Variants in BLNK observed in about 807,000 individuals in gnomAD.
BLNK encodes B-cell linker protein.
Under a neutral mutation model 73.5 loss-of-function variants are expected in BLNK, and 29 were observed. That is an observed-to-expected ratio of 0.39 (90% CI 0.29 to 0.54). BLNK has a LOEUF of 0.54. Ranked by LOEUF, BLNK falls within the 20% of genes least tolerant of loss-of-function variation. BLNK has a pLI of 0.61. For synonymous variants in BLNK, 176 were observed against 200.8 expected, an observed-to-expected ratio of 0.88 and a Z score of 1.04; for missense variants, 460 against 562.8, an observed-to-expected ratio of 0.82 and a Z score of 1.85.
At chr10:96,192,415 T>C (rs2083351606) in intron 16 of BLNK, among the ~76,000 whole-genome samples, 1 of 152,184 alleles carries the variant, frequency 6.6e-6, no homozygotes, top group Admixed American at 6.5e-5. Context: ...ATACAACGCA[T>C]TTTTCTACAT....
chr10:96,215,519 G>T (rs1450531103), intron 7 of BLNK, 130 bp from the exon 8 acceptor site: 1 of 734,146 alleles, frequency 1.4e-6, no homozygotes, highest in Non-Finnish European at 2.2e-6. Flanking sequence ...CAAAGAATGG[G>T]AGACACCCTT....
rs587717156 is a variant in BLNK, at chr10:96,242,914, T to G, written c.114-130A>C. 6 of 812,904 alleles carry G rather than the reference T, an allele frequency of 7.4e-6. No homozygotes were observed. The South Asian group carries it at 8.3e-5, about 11-fold the overall frequency. The allele number at this position is 812,904 out of a possible 1,614,324, so 50.4% of individuals were successfully genotyped here. On this transcript the variant is annotated intron_variant, in intron 2 of 16. Coordinates refer to ENST00000224337, the MANE Select transcript of BLNK (RefSeq NM_013314.4). ...TAATGGCTTCTCTTGGACCAATCAA[T>G]GGACAGATTTGATGTATTGTAAATG...
At chr10:96,211,417 C>A (rs1554898690) in intron 8 of BLNK, among the ~76,000 whole-genome samples, 2 of 152,152 alleles carry the variant, frequency 1.3e-5, no homozygotes. Context: ...AAGATACATG[C>A]ACCCTCCATA....
rs2083651349 is a variant in BLNK, at chr10:96,201,895, A to G, written c.935-837T>C. On this transcript the variant is annotated intron_variant, in intron 13 of 16. Coordinates refer to ENST00000224337, the MANE Select transcript of BLNK (RefSeq NM_013314.4). ...AGATGGGCAATAAAGACATAAGTAA[A>G]AAATATATATATAATGTTAGAGGGT... 2.0e-5 allele frequency among the ~76,000 whole-genome samples: 3 copies of G among 152,268 alleles called. No homozygotes were observed. The South Asian group carries it at 6.2e-4, about 32-fold the overall frequency.
In BLNK at chr10:96,200,044, T is replaced by C. The variant is rs1554895708; in HGVS notation, c.1095+31A>G. 1 of 1,340,564 alleles carries C rather than the reference T, an allele frequency of 7.5e-7. No individual in the cohort carries two copies. The highest frequency in any genetic ancestry group is 2.1e-5 in the South Asian group (1 of 46,846). 83.0% of individuals were successfully genotyped at this position (1,340,564 alleles called of 1,614,324 possible). A position where few individuals can be genotyped will look rare whatever the true frequency, so the allele number is the denominator to read the frequency against. On this transcript the variant is annotated intron_variant, in intron 15 of 16. Coordinates refer to ENST00000224337, the MANE Select transcript of BLNK (RefSeq NM_013314.4). The surrounding 1 kb of genome is among the most constrained non-coding windows in gnomAD (Gnocchi z 4.3). Reference sequence around the variant, plus strand: ...AACAAATAAATAAAATAAAATAAAATAAAAATAATAAATAATAAAAATGAT... The same window carrying C: ...AACAAATAAATAAAATAAAATAAAACAAAAATAATAAATAATAAAAATGAT...
chr10:96,226,380 C>T (rs1331222008), intron 5 of BLNK, among the ~76,000 whole-genome samples: 1 of 152,156 alleles, frequency 6.6e-6, no homozygotes, highest in African/African-American at 2.4e-5. Flanking sequence ...AAGCAAGGAG[C>T]AGTGCCTGGT....
intron 3 of BLNK, 44 bp from the exon 4 acceptor site, chr10:96,230,878 A>G (rs781927852): frequency 6.3e-7 from 1 of 1,598,102 alleles, no homozygotes; most frequent in Admixed American, 1.7e-5. Context: ...TGTGAGCCTC[A>G]GCTGGCCAGC....
intron 4 of BLNK, among the ~76,000 whole-genome samples, chr10:96,227,946 G>A (rs12255766): frequency 0.014 from 2,035 of 147,748 alleles, 43 homozygotes; most frequent in African/African-American, 0.049. Context: ...GATCACTGAA[G>A]AGAAAATAGG....
intron 1 of BLNK, among the ~76,000 whole-genome samples, chr10:96,256,899 A>AG (rs66538634): frequency 1.5e-4 from 22 of 149,390 alleles, no homozygotes; most frequent in Non-Finnish European, 2.8e-4. Context: ...AAAAAAAAAA[A>AG]GCAGCAGAAG....
At chr10:96,244,881 G>GT (rs1451722889) in intron 2 of BLNK, among the ~76,000 whole-genome samples, 3 of 152,020 alleles carry the variant, frequency 2.0e-5, no homozygotes, top group African/African-American at 7.2e-5. Flanking sequence ...GAGAACTGGT[G>GT]TATTGTAAAA....
chr10:96,195,710 A>G (rs2083448419), intron 16 of BLNK, among the ~76,000 whole-genome samples: 1 of 152,232 alleles, frequency 6.6e-6, no homozygotes, highest in South Asian at 2.1e-4. Flanking sequence ...TAAGATGAAC[A>G]AGTTCTGGAG....
intron 1 of BLNK, among the ~76,000 whole-genome samples, chr10:96,264,983 G>A (rs1172692664): frequency 6.6e-6 from 1 of 151,796 alleles, no homozygotes; most frequent in Non-Finnish European, 1.5e-5. Flanking sequence ...TTATTTTTGA[G>A]ACATGGTCTC....
chr10:96,235,879 C>T (rs903774881), intron 3 of BLNK, among the ~76,000 whole-genome samples: 29 of 151,986 alleles, frequency 1.9e-4, no homozygotes, highest in Admixed American at 3.3e-4. Flanking sequence ...TTCTGCTGAG[C>T]GCTCACACAA....
chr10:96,191,383 A>C lies in BLNK; in HGVS notation c.*590T>G, dbSNP rs1367125052. Among the ~76,000 whole-genome samples the C allele has an allele frequency of 6.6e-6, 1 of 152,060 alleles. No homozygotes were observed. The highest frequency in any genetic ancestry group is 1.5e-5 in the Non-Finnish European group (1 of 67,994). ...AAAGAGGGTATAATTATCTTTAGTA[A>C]GCAAAACTAACAGCATAATCCTAGA... On this transcript the variant is annotated 3_prime_UTR_variant, in exon 17 of 17. Transcript: ENST00000224337.
intron 5 of BLNK, among the ~76,000 whole-genome samples, chr10:96,226,727 G>C (rs782264798): frequency 2.0e-5 from 3 of 152,082 alleles, no homozygotes; most frequent in Non-Finnish European, 4.4e-5. Context: ...TGTGGACCCA[G>C]CTACTCGGGA....
chr10:96,234,986 C>T (rs1203501854), intron 3 of BLNK, among the ~76,000 whole-genome samples: 8 of 152,346 alleles, frequency 5.3e-5, no homozygotes, highest in Admixed American at 3.3e-4. Context: ...GGCTTATGCT[C>T]CATTTACCAT....
In BLNK at chr10:96,271,511, T is replaced by C; in HGVS notation, c.-113A>G. Reference sequence around the variant, plus strand: ...CTCTGGTCTCAAGGGTTCCGGCCACTCAAGTCTGATTTCTGAGAGTGCAGG... The same window carrying C: ...CTCTGGTCTCAAGGGTTCCGGCCACCCAAGTCTGATTTCTGAGAGTGCAGG... On this transcript the variant is annotated 5_prime_UTR_variant, in exon 1 of 17. Transcript: ENST00000224337. The C allele has an allele frequency of 8.9e-7, 1 of 1,123,734 alleles. No homozygotes were observed. Among genetic ancestry groups the C allele is most frequent in the Non-Finnish European group, 1.4e-6 (1 of 739,644 alleles). 69.6% of individuals were successfully genotyped at this position (1,123,734 alleles called of 1,614,324 possible).
chr10:96,229,275 C>T (rs1175429907), intron 4 of BLNK, among the ~76,000 whole-genome samples: 1 of 148,648 alleles, frequency 6.7e-6, no homozygotes, highest in African/African-American at 2.4e-5. Flanking sequence ...AAACATCATT[C>T]TACTGTCCGT....
intron 11 of BLNK, among the ~76,000 whole-genome samples, chr10:96,205,657 C>T (rs1554897274): frequency 6.6e-6 from 1 of 152,206 alleles, no homozygotes; most frequent in Non-Finnish European, 1.5e-5. Context: ...ACCTGCTCTG[C>T]CTCCGCCATC....
Sources: allele counts gnomAD v4.1 joint callset (sites outside exome capture counted in the v4.1 genomes callset), GRCh38; gene constraint gnomAD v4.1.1; non-coding constraint Gnocchi (gnomAD v3.1); transcripts MANE v1.5; gene names NCBI Gene and HGNC (gene_info 2026-07-23, HGNC 2026-07-21).